The following SPOCK3 variants were observed in gnomAD, a reference collection of about 807,000 sequenced individuals.
SPOCK3 encodes testican-3.
Under a neutral mutation model 56.6 loss-of-function variants are expected in SPOCK3, and 30 were observed. The ratio of observed to expected loss-of-function variants is 0.53; its 90% CI spans 0.40 to 0.72. The LOEUF is 0.72. SPOCK3 is among the 30% of genes least tolerant of loss of function. SPOCK3 has a pLI of 0.00. For missense variants in SPOCK3, 527 were observed against 530.0 expected (o/e 0.99, Z 0.06); for synonymous variants, 196 against 183.3 (o/e 1.07, Z -0.56).
intron 2 of SPOCK3, among the ~76,000 whole-genome samples, chr4:167,150,131 A>G (rs1483068043): frequency 6.6e-6 from 1 of 152,166 alleles, no homozygotes; most frequent in Non-Finnish European, 1.5e-5. Context: ...TGTTCAAAGT[A>G]ATGCATGAGT....
chr4:167,085,514 T>A (rs759718065), intron 2 of SPOCK3, among the ~76,000 whole-genome samples: 17 of 152,180 alleles, frequency 1.1e-4, no homozygotes, highest in Non-Finnish European at 2.2e-4. Flanking sequence ...ATCTGCTTCC[T>A]TCCTTTCAAT....
chr4:166,756,198 C>A (rs867313382), intron 7 of SPOCK3, among the ~76,000 whole-genome samples: 215 of 18,196 alleles, frequency 0.012, 47 homozygotes, highest in African/African-American at 0.054. Flanking sequence ...AAACGGCGCA[C>A]CACGAGACTA....
chr4:167,119,655 T>A, intron 2 of SPOCK3: 1 of 595,132 alleles, frequency 1.7e-6, no homozygotes, highest in East Asian at 2.9e-5. Context: ...ATGACATCAG[T>A]CATAGACTTG....
intron 4 of SPOCK3, among the ~76,000 whole-genome samples, chr4:166,996,726 C>T (rs552215923): frequency 6.6e-6 from 1 of 152,210 alleles, no homozygotes; most frequent in East Asian, 1.9e-4. Flanking sequence ...AGACAATATC[C>T]AAATATATGA....
chr4:166,804,679 C>T (rs148061344), intron 6 of SPOCK3, among the ~76,000 whole-genome samples: 1 of 152,198 alleles, frequency 6.6e-6, no homozygotes, highest in East Asian at 1.9e-4. Flanking sequence ...ATTTCCTTGA[C>T]AATAATCACT....
At chr4:167,041,320 A>G (rs1269818421) in intron 3 of SPOCK3, among the ~76,000 whole-genome samples, 1 of 152,202 alleles carries the variant, frequency 6.6e-6, no homozygotes, top group African/African-American at 2.4e-5. Flanking sequence ...TCAACAAATG[A>G]CAGCTAATAT....
intron 3 of SPOCK3, among the ~76,000 whole-genome samples, chr4:167,009,203 C>A (rs1226339032): frequency 2.0e-5 from 3 of 151,950 alleles, no homozygotes; most frequent in East Asian, 3.9e-4. Flanking sequence ...AAATACTAAA[C>A]CATAGGCTAG....
intron 3 of SPOCK3, among the ~76,000 whole-genome samples, chr4:167,051,664 T>C (rs537888079): frequency 6.6e-6 from 1 of 152,332 alleles, no homozygotes; most frequent in African/African-American, 2.4e-5. Context: ...ACTTAGCATG[T>C]TGTTTAACAA....
chr4:166,946,764 A>G (rs1312738149), intron 4 of SPOCK3, among the ~76,000 whole-genome samples: 1 of 152,090 alleles, frequency 6.6e-6, no homozygotes, highest in Non-Finnish European at 1.5e-5. Flanking sequence ...TTTTCTCTTT[A>G]CACTATAATG....
At chr4:167,211,425 A>T (rs1050101210) in intron 2 of SPOCK3, among the ~76,000 whole-genome samples, 4 of 152,128 alleles carry the variant, frequency 2.6e-5, no homozygotes, top group African/African-American at 9.7e-5. Context: ...CGTAAGGACA[A>T]GAGATTTGGA....
At position 166,881,627 on chromosome 4, in the gene SPOCK3, G is replaced by A. The variant is rs532863607; in HGVS notation, c.589+7503C>T. 6.6e-5 allele frequency among the ~76,000 whole-genome samples: 10 copies of A among 152,026 alleles called. No individual in the cohort carries two copies. In the South Asian group the frequency reaches 1.9e-3, roughly 28 times the overall value. On this transcript the variant is annotated intron_variant, in intron 6 of 10. Transcript: ENST00000357545. ...ATCAAATCAACAATTTCTTTATGAGGCTCTGTAAATACTGCCTTAACTTTG... is the reference window on the plus strand; with the variant it reads ...ATCAAATCAACAATTTCTTTATGAGACTCTGTAAATACTGCCTTAACTTTG...
intron 2 of SPOCK3, among the ~76,000 whole-genome samples, chr4:167,223,327 T>C (rs1329540303): frequency 6.9e-6 from 1 of 145,458 alleles, no homozygotes; most frequent in Non-Finnish European, 1.5e-5. Flanking sequence ...TATATAAGCA[T>C]ATATATTTAT....
At chr4:166,937,980 G>T (rs931348598) in intron 4 of SPOCK3, among the ~76,000 whole-genome samples, 20 of 143,854 alleles carry the variant, frequency 1.4e-4, no homozygotes, top group Non-Finnish European at 2.6e-4. Flanking sequence ...GGGTTTCACC[G>T]TGTTAGCCAG....
In SPOCK3 at chr4:166,792,462, C is replaced by T. The variant is rs542113609; in HGVS notation, c.590-173G>A. Among the ~76,000 whole-genome samples the T allele has an allele frequency of 3.9e-5, 6 of 152,228 alleles. No homozygotes were observed. The East Asian group carries it at 1.2e-3, about 29-fold the overall frequency. On this transcript the variant is annotated intron_variant, in intron 6 of 10. Transcript: ENST00000357545. ...TGCCTTAAAATAAGATGTAATATGA[C>T]AAAAACATTTTACTTAATAAAGAAG...
intron 2 of SPOCK3, among the ~76,000 whole-genome samples, chr4:167,174,214 A>G (rs1289553435): frequency 1.3e-5 from 2 of 152,122 alleles, no homozygotes; most frequent in African/African-American, 4.8e-5. Context: ...TGATTTGTCC[A>G]GTACAAGAAA....
chr4:167,057,187 A>G (rs1401469536), intron 3 of SPOCK3, among the ~76,000 whole-genome samples: 1 of 152,184 alleles, frequency 6.6e-6, no homozygotes, highest in Non-Finnish European at 1.5e-5. Context: ...AGCCAAACTA[A>G]GCTTCATAAG....
At chr4:167,116,651 C>CGTATAT (rs1561233875) in intron 2 of SPOCK3, among the ~76,000 whole-genome samples, 1 of 81,462 alleles carries the variant, frequency 1.2e-5, no homozygotes, top group Non-Finnish European at 2.2e-5. Context: ...TATATATATA[C>CGTATAT]ACATATATAC....
chr4:166,751,176 A>C (rs1372076352), intron 8 of SPOCK3, among the ~76,000 whole-genome samples: 1 of 152,184 alleles, frequency 6.6e-6, no homozygotes, highest in Non-Finnish European at 1.5e-5. Context: ...AGAAATTACA[A>C]ATATTCACAA....
At chr4:167,144,623 A>G (rs1276626117) in intron 2 of SPOCK3, among the ~76,000 whole-genome samples, 1 of 151,838 alleles carries the variant, frequency 6.6e-6, no homozygotes, top group Non-Finnish European at 1.5e-5. Context: ...GAAGGGAGAA[A>G]GTAGGAAAGA....
Sources: allele counts gnomAD v4.1 joint callset (sites outside exome capture counted in the v4.1 genomes callset), GRCh38; gene constraint gnomAD v4.1.1; transcripts MANE v1.5; gene names NCBI Gene and HGNC (gene_info 2026-07-23, HGNC 2026-07-21).